Variants in TMEM204 observed in about 807,000 individuals in gnomAD.
TMEM204 encodes the protein claudin-like protein 24.
TMEM204 carries 15 observed loss-of-function variants against 19.4 expected under a neutral mutation model. The ratio of observed to expected loss-of-function variants is 0.77; its 90% CI spans 0.52 to 1.19. The LOEUF (loss-of-function observed/expected upper bound fraction) is 1.19, where lower values mean the gene tolerates loss of function less well. Among genes scored for constraint, TMEM204 ranks in the 50% most tolerant of loss-of-function variants. The pLI is 0.00. For synonymous variants in TMEM204, 161 were observed against 146.0 expected, an observed-to-expected ratio of 1.10 and a Z score of -0.74; for missense variants, 287 against 321.2, an observed-to-expected ratio of 0.89 and a Z score of 0.81.
chr16:1,531,052 C>T (rs182589055), upstream of TMEM204: 30 of 152,146 alleles, frequency 2.0e-4, no homozygotes, highest in African/African-American at 6.5e-4. The surrounding 1 kb of genome is among the most constrained non-coding windows in gnomAD (Gnocchi z 4.7). Flanking sequence ...GCCTCCTGCT[C>T]GAGGGCACCA....
At chr16:1,549,844 A>AC (rs1207211707) in intron 2 of TMEM204, among the ~76,000 whole-genome samples, 1 of 152,180 alleles carries the variant, frequency 6.6e-6, no homozygotes, top group African/African-American at 2.4e-5. Context: ...TGCTGTTTAC[A>AC]CCTGATCTGC....
chr16:1,547,483 C>T (rs937524418), intron 2 of TMEM204, among the ~76,000 whole-genome samples: 1 of 152,162 alleles, frequency 6.6e-6, no homozygotes, highest in Non-Finnish European at 1.5e-5. Flanking sequence ...GGAATCGTCT[C>T]GTGGAAATAT....
intron 2 of TMEM204, among the ~76,000 whole-genome samples, chr16:1,552,648 CTTT>C (rs11409894): frequency 1.6e-5 from 2 of 127,572 alleles, no homozygotes. Flanking sequence ...AAAGAGAATG[CTTT>C]TTTTTTTTTT....
At chr16:1,540,878 G>A in intron 1 of TMEM204, 3 of 985,462 alleles carry the variant, frequency 3.0e-6, no homozygotes, top group Non-Finnish European at 1.2e-6. Context: ...TGGGGCTGTT[G>A]CTTCACATGC....
chr16:1,545,134 G>C (rs2032058248), intron 2 of TMEM204, among the ~76,000 whole-genome samples: 1 of 152,210 alleles, frequency 6.6e-6, no homozygotes. Context: ...GGACTAAACC[G>C]AGCTGTCTTA....
At chr16:1,547,801 G>C (rs998280281) in intron 2 of TMEM204, among the ~76,000 whole-genome samples, 1 of 152,198 alleles carries the variant, frequency 6.6e-6, no homozygotes, top group African/African-American at 2.4e-5. Context: ...CTCCCACAGC[G>C]CTGGGATTAC....
chr16:1,541,310 AC>A (rs1290029753), intron 1 of TMEM204: 7 of 985,084 alleles, frequency 7.1e-6, no homozygotes, highest in African/African-American at 3.5e-5. Context: ...ACTGGTTCAG[AC>A]CCATGTCTGA....
rs772107738 is a variant in TMEM204, at chr16:1,542,058, G to T, written c.418G>T (p.Ala140Ser). 4 of 1,607,962 alleles carry T rather than the reference G, an allele frequency of 2.5e-6. No individual in the cohort carries two copies. The highest frequency in any genetic ancestry group is 2.5e-6 in the Non-Finnish European group (3 of 1,178,094). Residue 140 changes from alanine (A) to serine (S), a missense_variant, in exon 2 of 3, where the codon GCT becomes TCT. Transcript: ENST00000566264. ...CCCGTGCTGGGAGGAGGCCATGGCC[G>T]CTGCATTCCAACTGGCGAGTAAGTA... ...DAPCWEEAMAAAFQLASFVLV... is the reference protein window; with the variant it reads ...DAPCWEEAMASAFQLASFVLV...
At chr16:1,530,133 C>CTTTTTTTTTTTTTTTT (rs922819138), upstream of TMEM204, among the ~76,000 whole-genome samples, 178 of 88,584 alleles carry the variant, frequency 2.0e-3, 24 homozygotes, top group African/African-American at 7.3e-3. Flanking sequence ...CGACGGGAAT[C>CTTTTTTTTTTTTTTTT]TTTTTTTTTT....
upstream of TMEM204, chr16:1,533,451 G>A (rs1044415696): frequency 6.6e-6 from 1 of 152,358 alleles, no homozygotes; most frequent in Non-Finnish European, 1.5e-5. This position sits in a 1 kb window ranked among gnomAD's most constrained non-coding sequence, Gnocchi z 4.7. Flanking sequence ...GGCGAGACGA[G>A]GGATCTGTCC....
intron 1 of TMEM204, chr16:1,540,985 T>C: frequency 3.0e-6 from 3 of 985,358 alleles, no homozygotes; most frequent in Non-Finnish European, 3.6e-6. Context: ...ACCACCTCAT[T>C]TGGGCCCCTG....
At chr16:1,539,901 C>T (rs1342139231) in intron 1 of TMEM204, among the ~76,000 whole-genome samples, 3 of 152,208 alleles carry the variant, frequency 2.0e-5, no homozygotes, top group East Asian at 1.9e-4. Flanking sequence ...CCACTCTCTG[C>T]GCACTGCCCT....
intron 2 of TMEM204, among the ~76,000 whole-genome samples, chr16:1,552,260 G>A (rs2032710868): frequency 6.6e-6 from 1 of 152,070 alleles, no homozygotes; most frequent in Non-Finnish European, 1.5e-5. Context: ...TCCCGCCCTC[G>A]AGGGTCTCAG....
In TMEM204 at chr16:1,555,045, C is replaced by A; in HGVS notation, c.*19C>A. ...ATGCTGAGTCGCCCTTCTCAGCGCT[C>A]CATCAACGCACACCTGCTATCGTGG... On this transcript the variant is annotated 3_prime_UTR_variant, in exon 3 of 3. Coordinates refer to ENST00000566264, the MANE Select transcript of TMEM204 (RefSeq NM_024600.6). 1 of 1,596,544 alleles carries A rather than the reference C, an allele frequency of 6.3e-7. No individual in the cohort carries two copies. Among genetic ancestry groups the A allele is most frequent in the Non-Finnish European group, 8.5e-7 (1 of 1,171,726 alleles).
At position 1,553,062 on chromosome 16, in the gene TMEM204, A is replaced by C; in HGVS notation, c.437-1720A>C. 1.0e-6 allele frequency: 1 copy of C among 985,462 alleles called. No individual in the cohort carries two copies. The highest frequency in any genetic ancestry group is 1.2e-6 in the Non-Finnish European group (1 of 829,938). 61.0% of individuals were successfully genotyped at this position (985,462 alleles called of 1,614,324 possible). A position where few individuals can be genotyped will look rare whatever the true frequency, so the allele number is the denominator to read the frequency against. On this transcript the variant is annotated intron_variant, in intron 2 of 2. Transcript: ENST00000566264. This position sits in a 1 kb window ranked among gnomAD's most constrained non-coding sequence, Gnocchi z 4.4. ...CAGAAACCAGTCACTGTCATTGTTC[A>C]GGACAAAATGGAGATAGATAAATGC...
intron 1 of TMEM204, among the ~76,000 whole-genome samples, chr16:1,536,950 C>T (rs2031132853): frequency 1.3e-5 from 2 of 152,262 alleles, no homozygotes; most frequent in South Asian, 4.1e-4. Flanking sequence ...CTGCAAAATC[C>T]TGCCGTGTGA....
rs930211588 is a variant in TMEM204, at chr16:1,551,655, A to G, written c.437-3127A>G. 6.6e-6 allele frequency among the ~76,000 whole-genome samples: 1 copy of G among 152,196 alleles called. No homozygotes were observed. The highest frequency in any genetic ancestry group is 2.4e-5 in the African/African-American group (1 of 41,450). On this transcript the variant is annotated intron_variant, in intron 2 of 2. Transcript: ENST00000566264. This position sits in a 1 kb window ranked among gnomAD's most constrained non-coding sequence, Gnocchi z 4.0. ...ACGTCCAGCACATTCCTCACTGTCG[A>G]ACCCAACTTCAGGACATGCTTGTTC... is the stretch of plus-strand genomic sequence containing the variant.
upstream of TMEM204, chr16:1,533,469 G>C (rs1002480626): frequency 1.3e-5 from 2 of 152,192 alleles, no homozygotes; most frequent in African/African-American, 4.8e-5. This position sits in a 1 kb window ranked among gnomAD's most constrained non-coding sequence, Gnocchi z 4.7. Flanking sequence ...TCCCGCACCC[G>C]GCATCCCTGG....
intron 2 of TMEM204, among the ~76,000 whole-genome samples, chr16:1,546,465 G>A (rs1693533582): frequency 6.6e-6 from 1 of 152,218 alleles, no homozygotes; most frequent in South Asian, 2.1e-4. Context: ...GATCTGTGCA[G>A]TGGAGAGTGA....
Sources: gnomAD v4.1 joint callset for allele counts (sites outside exome capture counted in the v4.1 genomes callset) on GRCh38, gnomAD v4.1.1 for gene constraint, Gnocchi (gnomAD v3.1) non-coding constraint, MANE v1.5 for transcripts, NCBI Gene and HGNC (gene_info 2026-07-23, HGNC 2026-07-21) for gene names.